DDAH1: variants seen among roughly 807,000 people sequenced by gnomAD.
DDAH1 encodes the protein dimethylarginine dimethylaminohydrolase 1, also known as N(G),N(G)-dimethylarginine dimethylaminohydrolase 1.
In DDAH1, 19 loss-of-function variants were observed where a neutral mutation model predicts 28.8. The observed-to-expected ratio is 0.66, with a 90% CI of 0.46 to 0.97. DDAH1 has a LOEUF of 0.97. DDAH1 is among the 50% of genes least tolerant of loss of function. The pLI is 0.00. For synonymous variants in DDAH1, 153 were observed against 154.4 expected (o/e 0.99, Z 0.07); for missense variants, 326 against 375.9 (o/e 0.87, Z 1.10).
chr1:85,494,603 C>T (rs1233517876), intron 2 of DDAH1: 1 of 152,192 alleles, frequency 6.6e-6, no homozygotes. Flanking sequence ...ACACTTATCT[C>T]CTGCTTTGCA....
chr1:85,397,990 CTTT>C (rs11296270), intron 1 of DDAH1, among the ~76,000 whole-genome samples: 76 of 145,168 alleles, frequency 5.2e-4, no homozygotes, highest in African/African-American at 1.3e-3. Flanking sequence ...AAATAAACCT[CTTT>C]TTTTTTTTTT....
chr1:85,394,560 G>A (rs1173900922), intron 1 of DDAH1, among the ~76,000 whole-genome samples: 1 of 152,176 alleles, frequency 6.6e-6, no homozygotes, highest in Non-Finnish European at 1.5e-5. Flanking sequence ...AATAAGGCTA[G>A]TTCAATAAAA....
At chr1:85,514,069 C>T (rs1055982912) in intron 1 of DDAH1, among the ~76,000 whole-genome samples, 1 of 152,160 alleles carries the variant, frequency 6.6e-6, no homozygotes, top group Non-Finnish European at 1.5e-5. Flanking sequence ...TTTATCGTGG[C>T]ACTATTCACA....
At chr1:85,538,212 C>T (rs1212454584) in intron 1 of DDAH1, among the ~76,000 whole-genome samples, 2 of 152,208 alleles carry the variant, frequency 1.3e-5, no homozygotes, top group African/African-American at 4.8e-5. Flanking sequence ...CAGGAACTTT[C>T]TCAAAATTTA....
At chr1:85,504,778 C>T (rs891538313) in intron 1 of DDAH1, among the ~76,000 whole-genome samples, 4 of 152,028 alleles carry the variant, frequency 2.6e-5, no homozygotes, top group African/African-American at 9.7e-5. Flanking sequence ...TGCTCCCAAA[C>T]CCAAGCTTAT....
Position 85,321,417 on chromosome 1 carries a change from G to T in DDAH1, c.*35C>A. ...GCACAGAGTCATCGGCCTTGCCTGT[G>T]CGGTCTTGCCGGCTACCGGGGGGGA... On this transcript the variant is annotated 3_prime_UTR_variant, in exon 6 of 6. Coordinates refer to ENST00000284031, the MANE Select transcript of DDAH1 (RefSeq NM_012137.4). 7.2e-7 allele frequency: 1 copy of T among 1,394,724 alleles called. No individual in the cohort carries two copies. Among genetic ancestry groups the T allele is most frequent in the Non-Finnish European group, 1.0e-6 (1 of 980,428 alleles). 86.4% of individuals were successfully genotyped at this position (1,394,724 alleles called of 1,614,324 possible). A position where few individuals can be genotyped will look rare whatever the true frequency, so the allele number is the denominator to read the frequency against.
At chr1:85,364,119 C>A (rs1273766481) in intron 1 of DDAH1, among the ~76,000 whole-genome samples, 1 of 152,012 alleles carries the variant, frequency 6.6e-6, no homozygotes, top group Non-Finnish European at 1.5e-5. Context: ...TAAACTGAGG[C>A]TAAGGGAGGT....
chr1:85,516,495 C>T (rs1188218401), intron 1 of DDAH1, among the ~76,000 whole-genome samples: 1 of 151,576 alleles, frequency 6.6e-6, no homozygotes, highest in African/African-American at 2.4e-5. Flanking sequence ...GGATTTGAGT[C>T]ATTACGCTTA....
intron 1 of DDAH1, among the ~76,000 whole-genome samples, chr1:85,410,932 G>A (rs764927077): frequency 4.6e-5 from 7 of 152,180 alleles, no homozygotes; most frequent in African/African-American, 1.7e-4. Context: ...GACAGGTGTG[G>A]GAAAGAGGGA....
intron 1 of DDAH1, among the ~76,000 whole-genome samples, chr1:85,367,986 T>C (rs1650163335): frequency 6.6e-6 from 1 of 152,224 alleles, no homozygotes. Context: ...AATTGACAAG[T>C]AGTATCCAAA....
intron 1 of DDAH1, among the ~76,000 whole-genome samples, chr1:85,381,163 G>T (rs1465783885): frequency 6.6e-6 from 1 of 151,494 alleles, no homozygotes; most frequent in Non-Finnish European, 1.5e-5. Flanking sequence ...GAACCTGGGA[G>T]GTGGAGGTTG....
At chr1:85,377,882 T>TAAC (rs758327954) in intron 1 of DDAH1, among the ~76,000 whole-genome samples, 3 of 152,174 alleles carry the variant, frequency 2.0e-5, no homozygotes, top group Non-Finnish European at 2.9e-5. Context: ...GTACAAACTG[T>TAAC]AACAAAATTT....
In DDAH1 at chr1:85,454,197, C is replaced by T. The variant is rs1034830706; in HGVS notation, c.303+10546G>A. ...TGCTTTCCTGTCTTAACATAACCTT[C>T]CCTTAACCAGGTTAAAATTTGTCAC... On this transcript the variant is annotated intron_variant, in intron 1 of 5. Coordinates refer to ENST00000284031, the MANE Select transcript of DDAH1 (RefSeq NM_012137.4). Among the ~76,000 whole-genome samples, 7 of 152,330 alleles carry T rather than the reference C, an allele frequency of 4.6e-5. No homozygotes were observed. In the East Asian group the frequency reaches 1.3e-3, roughly 29 times the overall value.
At chr1:85,465,467 A>G (rs994563512), upstream of DDAH1, among the ~76,000 whole-genome samples, 1 of 152,142 alleles carries the variant, frequency 6.6e-6, no homozygotes, top group African/African-American at 2.4e-5. Context: ...CCCAGCGCGG[A>G]CTTGGAGAGC....
At chr1:85,421,693 A>G (rs1171297374) in intron 1 of DDAH1, among the ~76,000 whole-genome samples, 1 of 152,208 alleles carries the variant, frequency 6.6e-6, no homozygotes, top group Admixed American at 6.5e-5. Flanking sequence ...GGAATCATAC[A>G]GTATGTAGCC....
intron 1 of DDAH1, among the ~76,000 whole-genome samples, chr1:85,359,359 G>A (rs1449257522): frequency 2.6e-5 from 4 of 151,586 alleles, no homozygotes; most frequent in Non-Finnish European, 5.9e-5. Flanking sequence ...GAAGGTGGGA[G>A]GCAAGGCACC....
chr1:85,395,650 CAACAAGAGTGAGACTCCATCTCAAAA>C (rs1651774853), intron 1 of DDAH1, among the ~76,000 whole-genome samples: 1 of 144,236 alleles, frequency 6.9e-6, no homozygotes, highest in Admixed American at 7.1e-5. Context: ...CCAGCCTAGG[CAACAAGAGTGAGACTCCATCTCAAAA>C]AAAAAAAAAG....
intron 5 of DDAH1, among the ~76,000 whole-genome samples, chr1:85,324,272 A>AAATAATAAAAATAATAATAATAATAAT (rs1647226702): frequency 7.0e-6 from 1 of 142,258 alleles, no homozygotes; most frequent in South Asian, 2.2e-4. Context: ...CCTGTCTCAA[A>AAATAATAAAAATAATAATAATAATAAT]AATAATAATA....
chr1:85,398,335 TA>T (rs1358174792), intron 1 of DDAH1: 1 of 152,220 alleles, frequency 6.6e-6, no homozygotes, highest in African/African-American at 2.4e-5. Context: ...GCAAACAAAT[TA>T]GTCTTACTCT....
Sources: allele counts gnomAD v4.1 joint callset (sites outside exome capture counted in the v4.1 genomes callset), GRCh38; gene constraint gnomAD v4.1.1; transcripts MANE v1.5; gene names NCBI Gene and HGNC (gene_info 2026-07-23, HGNC 2026-07-21).